Variants in R3HDM1 observed in about 807,000 individuals in gnomAD.
R3HDM1 encodes the protein R3H domain-containing protein 1.
In R3HDM1, 46 loss-of-function variants were observed where a neutral mutation model predicts 141.1. The ratio of observed to expected loss-of-function variants is 0.33; its 90% confidence interval spans 0.26 to 0.42. The LOEUF (loss-of-function observed/expected upper bound fraction) is 0.42, where lower values mean the gene tolerates loss of function less well. Among genes scored for constraint, R3HDM1 ranks in the 10% least tolerant of loss-of-function variants. R3HDM1 has a pLI of 1.00. For synonymous variants in R3HDM1, 435 were observed against 472.9 expected, an observed-to-expected ratio of 0.92 and a Z score of 1.04; for missense variants, 1,184 against 1,368.3, an observed-to-expected ratio of 0.87 and a Z score of 2.12.
intron 15 of R3HDM1, among the ~76,000 whole-genome samples, chr2:135,644,864 C>G (rs2064216641): frequency 6.6e-6 from 1 of 151,732 alleles, no homozygotes; most frequent in Admixed American, 6.6e-5. Flanking sequence ...GACGGATCAC[C>G]TGAGGTCAGG....
intron 1 of R3HDM1, chr2:135,581,381 C>G: frequency 1.0e-6 from 1 of 984,688 alleles, no homozygotes; most frequent in Non-Finnish European, 1.2e-6. Context: ...CTTTAACGGT[C>G]TTGGTGCCTT....
At chr2:135,542,331 TTG>T (rs1697778520) in intron 1 of R3HDM1, among the ~76,000 whole-genome samples, 2 of 152,238 alleles carry the variant, frequency 1.3e-5, no homozygotes, top group African/African-American at 4.8e-5. Flanking sequence ...CATAGTTCAA[TTG>T]TGTTATTTTT....
In R3HDM1 at chr2:135,607,506, C is replaced by A. The variant is rs144003102; in HGVS notation, c.171+2490C>A. Reference sequence around the variant, plus strand: ...TTTTTACTAATAGCACTTTCTAGAACAACAAAAAATTGCCATACCTGTAAT... The same window carrying A: ...TTTTTACTAATAGCACTTTCTAGAAAAACAAAAAATTGCCATACCTGTAAT... On this transcript the variant is annotated intron_variant, in intron 3 of 26. Coordinates refer to ENST00000683871, the MANE Select transcript of R3HDM1 (RefSeq NM_001378107.1). Among the ~76,000 whole-genome samples the A allele has an allele frequency of 3.0e-3, 452 of 152,194 alleles. 3 individuals carry two copies. The highest frequency in any genetic ancestry group is 0.01 in the African/African-American group (421 of 41,526).
chr2:135,611,437 A>G (rs1463594413), intron 3 of R3HDM1, among the ~76,000 whole-genome samples: 1 of 152,174 alleles, frequency 6.6e-6, no homozygotes, highest in African/African-American at 2.4e-5. Flanking sequence ...CCTAGTACAT[A>G]GAGCCTAGCA....
chr2:135,625,506 G>A (rs1032633353), intron 7 of R3HDM1, among the ~76,000 whole-genome samples: 1 of 152,160 alleles, frequency 6.6e-6, no homozygotes, highest in Non-Finnish European at 1.5e-5. Flanking sequence ...TATAAGTATT[G>A]TAAGATTGCG....
At chr2:135,621,644 T>G (rs2061521177) in intron 6 of R3HDM1, 36 bp downstream of exon 6, 3 of 1,497,306 alleles carry the variant, frequency 2.0e-6, no homozygotes, top group Admixed American at 2.4e-5. Flanking sequence ...AAAAAAAAAT[T>G]TTGCTATCAG....
At chr2:135,554,771 G>A (rs570671533) in intron 1 of R3HDM1, among the ~76,000 whole-genome samples, 1 of 152,278 alleles carries the variant, frequency 6.6e-6, no homozygotes, top group East Asian at 1.9e-4. Flanking sequence ...TAGAGGCCTG[G>A]AACAGATCCT....
At chr2:135,555,883 G>C (rs1700662073) in intron 1 of R3HDM1, among the ~76,000 whole-genome samples, 1 of 152,132 alleles carries the variant, frequency 6.6e-6, no homozygotes, top group African/African-American at 2.4e-5. Flanking sequence ...GGGCATGGTG[G>C]CATACATTTG....
intron 18 of R3HDM1, chr2:135,656,536 T>C (rs1036482596): frequency 6.6e-6 from 1 of 152,154 alleles, no homozygotes; most frequent in Admixed American, 6.5e-5. Context: ...CATGCTAATC[T>C]TCTCTGTATT....
chr2:135,625,581 G>A (rs527727494), intron 7 of R3HDM1, among the ~76,000 whole-genome samples: 2 of 152,240 alleles, frequency 1.3e-5, no homozygotes, highest in Non-Finnish European at 2.9e-5. Context: ...AATCTCCAAA[G>A]AGCTATCTTT....
intron 20 of R3HDM1, among the ~76,000 whole-genome samples, chr2:135,678,738 T>C (rs1408667697): frequency 6.7e-6 from 1 of 149,820 alleles, no homozygotes; most frequent in Non-Finnish European, 1.5e-5. Flanking sequence ...TCAGTGGTTA[T>C]AGTGGTTATA....
chr2:135,558,794 C>T (rs1259024293), intron 1 of R3HDM1, among the ~76,000 whole-genome samples: 1 of 152,062 alleles, frequency 6.6e-6, no homozygotes, highest in Non-Finnish European at 1.5e-5. Context: ...AAATTTTTAT[C>T]AAACAAAGGT....
At chr2:135,666,126 G>A in intron 19 of R3HDM1, among the ~76,000 whole-genome samples, 1 of 152,252 alleles carries the variant, frequency 6.6e-6, no homozygotes, top group Middle Eastern at 3.4e-3. Flanking sequence ...CCTGATGAAC[G>A]ACACTATGGA....
chr2:135,723,948 G>A lies in R3HDM1; in HGVS notation c.3061G>A (p.Val1021Ile), dbSNP rs2076957208. 6.2e-7 allele frequency: 1 copy of A among 1,609,998 alleles called. No individual in the cohort carries two copies. The highest frequency in any genetic ancestry group is 8.5e-7 in the Non-Finnish European group (1 of 1,177,050). ...CTTTTCTATTCTAGTTGTTGGGAAG[G>A]TCTTGGAAATTACTGAACTACCAGA... ...LGAGETVVGKVLEITELPDGI... is the reference protein window; with the variant it reads ...LGAGETVVGKILEITELPDGI... Residue 1021 changes from valine to isoleucine, a missense_variant, in exon 27 of 27, where the codon GTC (valine) becomes ATC (isoleucine). Around this residue, in one of 5 missense-constraint regions of R3HDM1, gnomAD observed 182 missense variants for 252.6 expected, o/e 0.72. Coordinates refer to ENST00000683871, the MANE Select transcript of R3HDM1 (RefSeq NM_001378107.1).
chr2:135,655,110 A>G (rs896491904), intron 18 of R3HDM1, among the ~76,000 whole-genome samples: 3 of 152,074 alleles, frequency 2.0e-5, no homozygotes, highest in Admixed American at 6.6e-5. Context: ...TTTTGGTGTC[A>G]TATCTAAGAA....
At chr2:135,678,154 G>T (rs962639907) in intron 20 of R3HDM1, among the ~76,000 whole-genome samples, 14 of 151,802 alleles carry the variant, frequency 9.2e-5, no homozygotes, top group African/African-American at 2.9e-4. Flanking sequence ...TAGTAGAGAC[G>T]GTGTTTCACC....
At chr2:135,609,688 A>G (rs2060362053) in intron 3 of R3HDM1, among the ~76,000 whole-genome samples, 1 of 151,994 alleles carries the variant, frequency 6.6e-6, no homozygotes, top group South Asian at 2.1e-4. Context: ...CCTGTGTATA[A>G]CTCACCGATG....
intron 1 of R3HDM1, among the ~76,000 whole-genome samples, chr2:135,541,531 T>G (rs895021091): frequency 6.6e-6 from 1 of 152,070 alleles, no homozygotes; most frequent in African/African-American, 2.4e-5. Flanking sequence ...TCAATGTTGT[T>G]TTGTCTCAGT....
chr2:135,584,442 C>G, intron 1 of R3HDM1: 8 of 900,542 alleles, frequency 8.9e-6, no homozygotes, highest in Non-Finnish European at 9.3e-6. Context: ...CATTAGAAAC[C>G]TAAACCTGTT....
Sources: gnomAD v4.1 joint callset for allele counts (sites outside exome capture counted in the v4.1 genomes callset) on GRCh38, gnomAD v4.1.1 for gene constraint, gnomAD v4.1.1 regional missense constraint, MANE v1.5 for transcripts, NCBI Gene and HGNC (gene_info 2026-07-23, HGNC 2026-07-21) for gene names.